Variants in SUPT5H observed in about 807,000 individuals in gnomAD.
The protein encoded by SUPT5H is transcription elongation factor SPT5.
SUPT5H carries 24 observed loss-of-function variants against 142.5 expected under a neutral mutation model. The observed-to-expected ratio is 0.17, with a 90% confidence interval of 0.12 to 0.24. The LOEUF (loss-of-function observed/expected upper bound fraction) is 0.24, where lower values mean the gene tolerates loss of function less well. Among genes scored for constraint, SUPT5H ranks in the 10% least tolerant of loss-of-function variants. The pLI is 1.00. For synonymous variants in SUPT5H, 546 were observed against 553.0 expected, an observed-to-expected ratio of 0.99 and a Z score of 0.18; for missense variants, 893 against 1,471.8, an observed-to-expected ratio of 0.61 and a Z score of 6.43.
Position 39,458,658 on chromosome 19 carries a change from T to A in SUPT5H, c.320-160T>A. The stretch of plus-strand genomic sequence containing the variant: ...TTTTGACAAGAAGCAGGATGCTGAG[T>A]AGGACAGAGTAGGGGATGAGGGGTT... On this transcript the variant is annotated intron_variant, in intron 5 of 29. Coordinates refer to ENST00000432763, the MANE Select transcript of SUPT5H (RefSeq NM_001111020.3). The surrounding 1 kb of genome is among the most constrained non-coding windows in gnomAD (Gnocchi z 4.2). 1.3e-6 allele frequency: 1 copy of A among 744,390 alleles called. No homozygotes were observed. The highest frequency in any genetic ancestry group is 2.2e-6 in the Non-Finnish European group (1 of 459,810). The allele number at this position is 744,390 out of a possible 1,614,324, so 46.1% of individuals were successfully genotyped here. A position where few individuals can be genotyped will look rare whatever the true frequency, so the allele number is the denominator to read the frequency against.
At chr19:39,453,656 G>GAGC in intron 3 of SUPT5H, 135 bp downstream of exon 3, 3 of 1,038,546 alleles carry the variant, frequency 2.9e-6, no homozygotes, top group Non-Finnish European at 3.9e-6. Flanking sequence ...TTGGCTCACT[G>GAGC]CAAGTTCATG....
chr19:39,449,764 T>A (rs1387978041), intron 2 of SUPT5H, among the ~76,000 whole-genome samples: 1 of 151,530 alleles, frequency 6.6e-6, no homozygotes, highest in Non-Finnish European at 1.5e-5. Flanking sequence ...CTCAGCTTCC[T>A]GAGTAGCTGG....
In SUPT5H at chr19:39,458,962, C is replaced by T. The variant is rs948295353; in HGVS notation, c.390-43C>T. On this transcript the variant is annotated intron_variant, in intron 6 of 29. Transcript: ENST00000432763. This position sits in a 1 kb window ranked among gnomAD's most constrained non-coding sequence, Gnocchi z 4.2. The stretch of plus-strand genomic sequence containing the variant: ...GGGAGTAGGTCAGCCCACCTGCTGT[C>T]CTCAACCTTCAATTCGTGTTTGCTT... 1 of 1,613,906 alleles carries T rather than the reference C, an allele frequency of 6.2e-7. No homozygotes were observed. The highest frequency in any genetic ancestry group is 1.3e-5 in the African/African-American group (1 of 74,876).
intron 3 of SUPT5H, among the ~76,000 whole-genome samples, chr19:39,456,218 T>A (rs1312309898): frequency 1.4e-5 from 2 of 146,800 alleles, no homozygotes; most frequent in Admixed American, 6.8e-5. Context: ...TGCCCAGACC[T>A]TTTTTTTTTC....
intron 18 of SUPT5H, 61 bp from the exon 19 acceptor site, chr19:39,471,296 C>T: frequency 1.2e-6 from 2 of 1,600,718 alleles, no homozygotes; most frequent in African/African-American, 1.3e-5. Context: ...TTAGGGAACC[C>T]CTGCCCCGTG....
chr19:39,470,058 G>A lies in SUPT5H; in HGVS notation c.1375-61G>A. The A allele has an allele frequency of 6.4e-7, 1 of 1,571,176 alleles. No homozygotes were observed. The highest frequency in any genetic ancestry group is 8.7e-7 in the Non-Finnish European group (1 of 1,152,022). Reference sequence around the variant, plus strand: ...ATGCGTAGATTCTGAAGACAGGAGGGGCAGGCAGGTTGTGGTGGTCTCCCT... The same window carrying A: ...ATGCGTAGATTCTGAAGACAGGAGGAGCAGGCAGGTTGTGGTGGTCTCCCT... On this transcript the variant is annotated intron_variant, in intron 16 of 29. Coordinates refer to ENST00000432763, the MANE Select transcript of SUPT5H (RefSeq NM_001111020.3). This position sits in a 1 kb window ranked among gnomAD's most constrained non-coding sequence, Gnocchi z 5.8.
chr19:39,447,672 G>T (rs2078970829), intron 2 of SUPT5H, among the ~76,000 whole-genome samples: 3 of 152,010 alleles, frequency 2.0e-5, no homozygotes, highest in Admixed American at 2.0e-4. Flanking sequence ...ACCCTCCTTG[G>T]CCTCCCAAAG....
rs1210028721 is a variant in SUPT5H, at chr19:39,470,884, G to A, written c.1677+361G>A. Among the ~76,000 whole-genome samples the A allele has an allele frequency of 6.6e-6, 1 of 152,054 alleles. No individual in the cohort carries two copies. The highest frequency in any genetic ancestry group is 1.9e-4 in the East Asian group (1 of 5,194). On this transcript the variant is annotated intron_variant, in intron 18 of 29. Coordinates refer to ENST00000432763, the MANE Select transcript of SUPT5H (RefSeq NM_001111020.3). This position sits in a 1 kb window ranked among gnomAD's most constrained non-coding sequence, Gnocchi z 5.8. ...GGGAGTCATGGAGCACAGTACTTAG[G>A]ATCCTGGACTCCACATCCACATCTT...
rs759273507 is a variant in SUPT5H at position 39,476,149 on chromosome 19, G to A, written c.3093G>A (p.Glu1031=). 1.2e-5 allele frequency: 20 copies of A among 1,614,010 alleles called. No individual in the cohort carries two copies. Among genetic ancestry groups the A allele is most frequent in the Non-Finnish European group, 1.6e-5 (19 of 1,180,018 alleles). ...TCAGCATTTCCAGTGAGCACCTGGA[G>A]CCTATCACCCCCACCAAGAACAACA... ...KVVSISSEHL[E]PITPTKNNKV... The change falls in exon 29 of 30, where the codon GAG becomes GAA. Residue 1031 remains glutamate (E), a synonymous_variant. Coordinates refer to ENST00000432763, the MANE Select transcript of SUPT5H (RefSeq NM_001111020.3).
chr19:39,476,515 T>G lies in SUPT5H; in HGVS notation c.*116T>G, dbSNP rs2079408691. On this transcript the variant is annotated 3_prime_UTR_variant, in exon 30 of 30. Coordinates refer to ENST00000432763, the MANE Select transcript of SUPT5H (RefSeq NM_001111020.3). ...CTAGGCGGATTGTTCTGGATTTCCT[T>G]TTGTTTTTCCTTTTAGTTTTCCATC... The G allele has an allele frequency of 5.1e-6, 7 of 1,383,538 alleles. No individual in the cohort carries two copies. The highest frequency in any genetic ancestry group is 6.9e-6 in the Non-Finnish European group (7 of 1,020,192). The allele number at this position is 1,383,538 out of a possible 1,614,324, so 85.7% of individuals were successfully genotyped here.
At chr19:39,462,623 C>G (rs2079177701) in intron 10 of SUPT5H, among the ~76,000 whole-genome samples, 1 of 152,076 alleles carries the variant, frequency 6.6e-6, no homozygotes, top group Non-Finnish European at 1.5e-5. Context: ...CACTGCCTCC[C>G]AGGCTCAACT....
rs890881882 is a variant in SUPT5H, at chr19:39,473,049, G to A, written c.2193G>A (p.Thr731=). ...TGGTGAAAGATGCCACAGAGTCCAC[G>A]GCCCGTGTGGAGCTGCACTCCACCT... The part of the protein sequence containing the change: ...IGVVKDATES[T]ARVELHSTCQ... Residue 731 remains threonine (T), a synonymous_variant, in exon 23 of 30, where the codon ACG becomes ACA. Coordinates refer to ENST00000432763, the MANE Select transcript of SUPT5H (RefSeq NM_001111020.3). The surrounding 1 kb of genome is among the most constrained non-coding windows in gnomAD (Gnocchi z 5.8). 11 of 1,613,724 alleles carry A rather than the reference G, an allele frequency of 6.8e-6. No homozygotes were observed. Among genetic ancestry groups the A allele is most frequent in the African/African-American group, 5.3e-5 (4 of 74,874 alleles).
chr19:39,459,495 G>C, intron 8 of SUPT5H, 64 bp from the exon 9 acceptor site: 1 of 1,598,590 alleles, frequency 6.3e-7, no homozygotes, highest in Non-Finnish European at 8.6e-7. Flanking sequence ...GGCCCTGGGG[G>C]TTCGTCTGTT....
intron 28 of SUPT5H, among the ~76,000 whole-genome samples, chr19:39,475,426 A>AGAGTTG (rs1467531146): frequency 2.0e-5 from 3 of 149,150 alleles, no homozygotes; most frequent in Non-Finnish European, 4.4e-5. Flanking sequence ...ATGAGGCCAG[A>AGAGTTG]GAGTTGGCTG....
At chr19:39,463,827 G>A (rs570723904) in intron 10 of SUPT5H, among the ~76,000 whole-genome samples, 1 of 152,170 alleles carries the variant, frequency 6.6e-6, no homozygotes, top group South Asian at 2.1e-4. Context: ...TGTATTTTGA[G>A]GCTCTGTTAG....
chr19:39,473,449 C>T lies in SUPT5H; in HGVS notation c.2420C>T (p.Pro807Leu). 6.2e-7 allele frequency: 1 copy of T among 1,613,448 alleles called. No individual in the cohort carries two copies. The highest frequency in any genetic ancestry group is 8.5e-7 in the Non-Finnish European group (1 of 1,179,952). ...ACCCCACACTACGGCTCACAGACGC[C>T]CCTGCATGATGGCAGCCGCACTCCT... ...SRTPHYGSQTPLHDGSRTPAQ... is the reference protein window; with the variant it reads ...SRTPHYGSQTLLHDGSRTPAQ... Residue 807 changes from proline to leucine, a missense_variant, in exon 25 of 30, where the codon CCC (proline) becomes CTC (leucine). By Grantham distance (98) the Pro-to-Leu change is moderately conservative. This residue lies in a region of SUPT5H where 336 missense variants were observed against 546.5 expected (regional missense o/e 0.61). Coordinates refer to ENST00000432763, the MANE Select transcript of SUPT5H (RefSeq NM_001111020.3). The surrounding 1 kb of genome is among the most constrained non-coding windows in gnomAD (Gnocchi z 5.8).
intron 3 of SUPT5H, among the ~76,000 whole-genome samples, chr19:39,455,332 C>T (rs569024960): frequency 2.0e-4 from 31 of 152,066 alleles, no homozygotes; most frequent in East Asian, 1.4e-3. Flanking sequence ...GAGGCTGAGG[C>T]GGGTGGATCA....
intron 3 of SUPT5H, among the ~76,000 whole-genome samples, chr19:39,456,526 C>G (rs1411939795): frequency 2.0e-5 from 3 of 151,430 alleles, no homozygotes; most frequent in Non-Finnish European, 4.4e-5. Context: ...TCAAGCAATT[C>G]TCTGCCTCAG....
intron 20 of SUPT5H, 154 bp downstream of exon 20, chr19:39,471,884 G>T: frequency 8.8e-7 from 1 of 1,132,610 alleles, no homozygotes; most frequent in Non-Finnish European, 1.2e-6. Context: ...GGTTTATTTG[G>T]GATTCTGAGC....
Sources: gnomAD v4.1 joint callset for allele counts (sites outside exome capture counted in the v4.1 genomes callset) on GRCh38, gnomAD v4.1.1 for gene constraint, gnomAD v4.1.1 regional missense constraint, Gnocchi (gnomAD v3.1) non-coding constraint, MANE v1.5 for transcripts, NCBI Gene and HGNC (gene_info 2026-07-23, HGNC 2026-07-21) for gene names.